The following SLC2A9 variants were observed in gnomAD, a reference collection of about 807,000 sequenced individuals.
SLC2A9 encodes solute carrier family 2 member 9.
In SLC2A9, 39 loss-of-function variants were observed where a neutral mutation model predicts 50.6. The observed-to-expected ratio is 0.77, with a 90% confidence interval of 0.60 to 1.01. SLC2A9 has a LOEUF of 1.01. Among genes scored for constraint, SLC2A9 ranks in the 50% least tolerant of loss-of-function variants. The pLI, the probability that SLC2A9 is intolerant of heterozygous loss-of-function variation, is 0.00. For synonymous variants in SLC2A9, 324 were observed against 276.9 expected (o/e 1.17, Z -1.69); for missense variants, 686 against 677.6 (o/e 1.01, Z -0.14).
At chr4:9,931,938 C>CTTAA (rs1746052594) in intron 6 of SLC2A9, among the ~76,000 whole-genome samples, 1 of 56,472 alleles carries the variant, frequency 1.8e-5, no homozygotes, top group African/African-American at 1.1e-4. Flanking sequence ...CTCTCTCTCT[C>CTTAA]TCTCTCTCTC....
intron 5 of SLC2A9, among the ~76,000 whole-genome samples, chr4:9,951,538 A>C (rs1750256161): frequency 1.3e-5 from 2 of 152,350 alleles, no homozygotes; most frequent in South Asian, 4.1e-4. Flanking sequence ...ATTTGTACAG[A>C]TAATAAAGAA....
chr4:9,798,018 G>T (rs1720802829), downstream of SLC2A9, among the ~76,000 whole-genome samples: 1 of 152,224 alleles, frequency 6.6e-6, no homozygotes, highest in Non-Finnish European at 1.5e-5. Flanking sequence ...ACGATGGATG[G>T]ATAGAGGCTG....
At chr4:10,031,602 TC>T (rs1278575494) in intron 1 of SLC2A9, among the ~76,000 whole-genome samples, 1 of 152,186 alleles carries the variant, frequency 6.6e-6, no homozygotes, top group Non-Finnish European at 1.5e-5. Flanking sequence ...CTAGAGGGGA[TC>T]CCCCAAATCT....
chr4:10,005,003 A>C (rs1760525507), intron 2 of SLC2A9, among the ~76,000 whole-genome samples: 1 of 152,218 alleles, frequency 6.6e-6, no homozygotes, highest in African/African-American at 2.4e-5. Flanking sequence ...GCCACGAGGC[A>C]CATTCTTGTA....
intron 5 of SLC2A9, among the ~76,000 whole-genome samples, chr4:9,971,857 C>G (rs1475190242): frequency 6.6e-6 from 1 of 152,222 alleles, no homozygotes; most frequent in South Asian, 2.1e-4. Context: ...AAACCTTGCA[C>G]AAAGGCCACT....
At chr4:9,884,083 A>T (rs1735727922) in intron 10 of SLC2A9, among the ~76,000 whole-genome samples, 1 of 152,190 alleles carries the variant, frequency 6.6e-6, no homozygotes. Flanking sequence ...TCTACCTGGG[A>T]CACTAGCCAT....
chr4:10,012,275 G>A (rs1761889960), intron 2 of SLC2A9, among the ~76,000 whole-genome samples: 1 of 152,210 alleles, frequency 6.6e-6, no homozygotes, highest in African/African-American at 2.4e-5. Flanking sequence ...GTCCCCATCT[G>A]TGAACATGGT....
At chr4:9,938,496 C>G (rs1197220914) in intron 6 of SLC2A9, among the ~76,000 whole-genome samples, 2 of 152,140 alleles carry the variant, frequency 1.3e-5, no homozygotes, top group African/African-American at 4.8e-5. Context: ...TGGTCTCGAT[C>G]TCCTGACCTC....
chr4:10,035,146 A>C (rs1764057832), intron 1 of SLC2A9: 3 of 152,200 alleles, frequency 2.0e-5, no homozygotes, highest in Non-Finnish European at 2.9e-5. Flanking sequence ...GCAGGTTTCC[A>C]AGGGCCAAGT....
At chr4:9,930,466 T>A (rs1240733977) in intron 6 of SLC2A9, among the ~76,000 whole-genome samples, 1 of 152,180 alleles carries the variant, frequency 6.6e-6, no homozygotes, top group African/African-American at 2.4e-5. Context: ...GTGCTGTGAT[T>A]GGTACGTGGC....
At chr4:9,975,135 C>A (rs2109038958) in intron 5 of SLC2A9, among the ~76,000 whole-genome samples, 1 of 152,288 alleles carries the variant, frequency 6.6e-6, no homozygotes, top group Middle Eastern at 3.4e-3. Flanking sequence ...AATGAAAGAC[C>A]TCAAACTATA....
chr4:9,795,632 AG>A (rs945873612), downstream of SLC2A9, among the ~76,000 whole-genome samples: 14 of 152,318 alleles, frequency 9.2e-5, no homozygotes, highest in African/African-American at 3.4e-4. Context: ...GCTGGGCTGG[AG>A]GGCCATTAAG....
At chr4:9,772,829 T>TA (rs147642873) in intron 1 of SLC2A9, among the ~76,000 whole-genome samples, 28 of 151,492 alleles carry the variant, frequency 1.8e-4, no homozygotes, top group African/African-American at 3.6e-4. Context: ...TTTTTTATTT[T>TA]TTTTTTATTA....
At chr4:10,001,149 G>C (rs541996790) in intron 2 of SLC2A9, among the ~76,000 whole-genome samples, 1 of 152,098 alleles carries the variant, frequency 6.6e-6, no homozygotes, top group Non-Finnish European at 1.5e-5. Flanking sequence ...AGACAGACAC[G>C]GGTACAGAGT....
At chr4:10,017,041 C>T (rs976513726) in intron 2 of SLC2A9, among the ~76,000 whole-genome samples, 1 of 152,188 alleles carries the variant, frequency 6.6e-6, no homozygotes, top group African/African-American at 2.4e-5. Flanking sequence ...GCTTCAGCTC[C>T]CCACCTCCCT....
intron 6 of SLC2A9, among the ~76,000 whole-genome samples, chr4:9,927,030 A>ATC (rs1553876653): frequency 3.7e-5 from 5 of 135,854 alleles, no homozygotes; most frequent in Non-Finnish European, 7.9e-5. Flanking sequence ...CTGTTGTTCG[A>ATC]TTTTTTTTTT....
chr4:9,852,446 G>T (rs1577535247), intron 10 of SLC2A9, among the ~76,000 whole-genome samples: 2 of 151,770 alleles, frequency 1.3e-5, no homozygotes, highest in South Asian at 4.2e-4. Context: ...TAGAGACGGG[G>T]TTTCACCTTG....
intron 1 of SLC2A9, among the ~76,000 whole-genome samples, chr4:10,033,786 G>A (rs1262302223): frequency 6.6e-6 from 1 of 152,238 alleles, no homozygotes. Flanking sequence ...GGGTGTCGCT[G>A]TGCTCGTGGG....
chr4:10,017,943 C>T (rs1275587415), intron 2 of SLC2A9, among the ~76,000 whole-genome samples: 2 of 152,210 alleles, frequency 1.3e-5, no homozygotes, highest in South Asian at 2.1e-4. Context: ...TACATCCCGG[C>T]CCCCCATCCA....
Sources: gnomAD v4.1 joint callset for allele counts (sites outside exome capture counted in the v4.1 genomes callset) on GRCh38, gnomAD v4.1.1 for gene constraint, MANE v1.5 for transcripts, NCBI Gene and HGNC (gene_info 2026-07-23, HGNC 2026-07-21) for gene names.